OR14A16: variants seen among roughly 807,000 people sequenced by gnomAD.
OR14A16 encodes the protein olfactory receptor family 14 subfamily A member 16.
For missense variants in OR14A16, 341 were observed against 366.5 expected (o/e 0.93, Z 0.57); for synonymous variants, 135 against 137.6 (o/e 0.98, Z 0.13).
intron 2 of OR14A16, among the ~76,000 whole-genome samples, chr1:247,817,424 A>G (rs1038370076): frequency 2.0e-5 from 3 of 152,236 alleles, no homozygotes; most frequent in African/African-American, 7.2e-5. Context: ...AATCATTTTA[A>G]TGATGTTCGA....
Position 247,815,756 on chromosome 1 carries a change from G to A in OR14A16, c.-15-12C>T. ...ATTGCAGGAGTAATCTGCAGGAAAAGGAGAAGACTGAAGTAAAATATCAAT... is the reference window on the plus strand; with the variant it reads ...ATTGCAGGAGTAATCTGCAGGAAAAAGAGAAGACTGAAGTAAAATATCAAT... On this transcript the variant is annotated splice_polypyrimidine_tract_variant and intron_variant, in intron 2 of 2. Transcript: ENST00000641093. 1 of 1,187,976 alleles carries A rather than the reference G, an allele frequency of 8.4e-7. No individual in the cohort carries two copies. The highest frequency in any genetic ancestry group is 2.3e-5 in the East Asian group (1 of 42,594). 73.6% of individuals were successfully genotyped at this position (1,187,976 alleles called of 1,614,324 possible). A position where few individuals can be genotyped will look rare whatever the true frequency, so the allele number is the denominator to read the frequency against.
chr1:247,816,661 G>A (rs1398022817), intron 2 of OR14A16, among the ~76,000 whole-genome samples: 4 of 150,976 alleles, frequency 2.6e-5, no homozygotes, highest in Admixed American at 1.3e-4. Flanking sequence ...CCTGGGAGGC[G>A]GAGGCTGCAG....
intron 2 of OR14A16, among the ~76,000 whole-genome samples, chr1:247,816,681 A>G (rs1662628171): frequency 6.6e-6 from 1 of 151,778 alleles, no homozygotes; most frequent in Non-Finnish European, 1.5e-5. Flanking sequence ...GTGAGCCGAG[A>G]TCACACTATT....
At chr1:247,820,392 A>T (rs1662710429) in intron 1 of OR14A16, among the ~76,000 whole-genome samples, 2 of 151,928 alleles carry the variant, frequency 1.3e-5, no homozygotes, top group Non-Finnish European at 1.5e-5. Flanking sequence ...TATGATTTTT[A>T]AAAAGGGGAC....
rs975568490 is a variant in OR14A16, at chr1:247,815,450, C to T, written c.280G>A (p.Gly94Ser). The T allele has an allele frequency of 1.2e-5, 19 of 1,613,778 alleles. No homozygotes were observed. Among genetic ancestry groups the T allele is most frequent in the Non-Finnish European group, 1.4e-5 (17 of 1,180,022 alleles). Reference protein sequence around the residue: ...LIHNNSISFLGCVSQVFLLLS... With the variant: ...LIHNNSISFLSCVSQVFLLLS... ...AACAAAAAGACCTGGGAAACACAGC[C>T]AAGGAATGAAATGGAGTTGTTGTGT... Residue 94 changes from glycine (G) to serine (S), a missense_variant, in exon 3 of 3, where the codon GGC becomes AGC. Physicochemically the swap from Gly to Ser is moderately conservative, Grantham distance 56. Coordinates refer to ENST00000641093, the MANE Select transcript of OR14A16 (RefSeq NM_001001966.2).
chr1:247,815,175 A>G lies in OR14A16; in HGVS notation c.555T>C (p.Ile185=), dbSNP rs1179442065. ...CTCTTATTAAATTTTCTGAGCAAGA[A>G]ATAGCTAATAACTGGGGAATGTCAC... is the stretch of plus-strand genomic sequence containing the variant. ...FFCDIPQLLA[I]SCSENLIREI... Residue 185 remains isoleucine (I), a synonymous_variant, in exon 3 of 3, where the codon ATT becomes ATC. Coordinates refer to ENST00000641093, the MANE Select transcript of OR14A16 (RefSeq NM_001001966.2). 2 of 1,613,876 alleles carry G rather than the reference A, an allele frequency of 1.2e-6. No individual in the cohort carries two copies. Among genetic ancestry groups the G allele is most frequent in the Admixed American group, 3.3e-5 (2 of 60,004 alleles).
chr1:247,822,845 T>A (rs1396601434), intron 1 of OR14A16, among the ~76,000 whole-genome samples: 1 of 152,192 alleles, frequency 6.6e-6, no homozygotes, highest in East Asian at 1.9e-4. Context: ...ATAGCTGAAC[T>A]TCATCAAGAA....
intron 1 of OR14A16, among the ~76,000 whole-genome samples, chr1:247,822,313 G>A (rs1173229838): frequency 2.1e-5 from 1 of 47,242 alleles, no homozygotes; most frequent in Non-Finnish European, 4.4e-5. Context: ...TGTGTGTGTG[G>A]CGGGGGGGGA....
Position 247,815,603 on chromosome 1 carries a change from T to A in OR14A16, c.127A>T (p.Ile43Phe). Residue 43 changes from isoleucine to phenylalanine, a missense_variant, in exon 3 of 3, where the codon ATT becomes TTT. Coordinates refer to ENST00000641093, the MANE Select transcript of OR14A16 (RefSeq NM_001001966.2). ...TGGTCCAAAGTTGTGATCATGATAA[T>A]GAGGACATTCCCCATCAGGGCACAC... is the stretch of plus-strand genomic sequence containing the variant. Reference protein sequence around the residue: ...YLCALMGNVLIIMITTLDHHL... With the variant: ...YLCALMGNVLFIMITTLDHHL... The A allele has an allele frequency of 6.2e-7, 1 of 1,613,608 alleles. No individual in the cohort carries two copies. The highest frequency in any genetic ancestry group is 8.5e-7 in the Non-Finnish European group (1 of 1,179,558).
At position 247,815,736 on chromosome 1, in the gene OR14A16, A is replaced by G; in HGVS notation, c.-7T>C. ...CGATTGTGAGATTTGCCATTATTGC[A>G]GGAGTAATCTGCAGGAAAAGGAGAA... On this transcript the variant is annotated 5_prime_UTR_variant, in exon 3 of 3. Coordinates refer to ENST00000641093, the MANE Select transcript of OR14A16 (RefSeq NM_001001966.2). The G allele has an allele frequency of 1.4e-6, 2 of 1,458,462 alleles. 1 individual carries two copies. The highest frequency in any genetic ancestry group is 2.4e-5 in the South Asian group (2 of 81,786). 90.3% of individuals were successfully genotyped at this position (1,458,462 alleles called of 1,614,324 possible).
At chr1:247,822,849 T>C (rs529761473) in intron 1 of OR14A16, among the ~76,000 whole-genome samples, 1 of 152,290 alleles carries the variant, frequency 6.6e-6, no homozygotes, top group African/African-American at 2.4e-5. Flanking sequence ...CTGAACTTCA[T>C]CAAGAAAAGA....
intron 2 of OR14A16, among the ~76,000 whole-genome samples, chr1:247,817,220 C>G (rs1662639280): frequency 6.6e-6 from 1 of 151,834 alleles, no homozygotes; most frequent in Non-Finnish European, 1.5e-5. Context: ...AATATTGTGC[C>G]TGTTCTCTCT....
At chr1:247,816,778 A>T (rs1662629609) in intron 2 of OR14A16, among the ~76,000 whole-genome samples, 1 of 152,028 alleles carries the variant, frequency 6.6e-6, no homozygotes, top group South Asian at 2.1e-4. Flanking sequence ...TAACTGAATT[A>T]CTCACTTTTC....
chr1:247,814,966 G>A lies in OR14A16; in HGVS notation c.764C>T (p.Ala255Val), dbSNP rs1170043063. The A allele has an allele frequency of 6.2e-7, 1 of 1,613,992 alleles. No individual in the cohort carries two copies. ...VVLFLSTGFI[A>V]YLKPASESPS... is the part of the protein sequence containing the mutation. The stretch of plus-strand genomic sequence containing the variant: ...AGACTCTGAAGCTGGCTTCAGATAA[G>A]CAATGAATCCAGTGGAAAGAAATAA... The change falls in exon 3 of 3, where the codon GCT becomes GTT. Residue 255 changes from alanine to valine, a missense_variant. Physicochemically the swap from Ala to Val is moderately conservative, Grantham distance 64. Coordinates refer to ENST00000641093, the MANE Select transcript of OR14A16 (RefSeq NM_001001966.2).
chr1:247,820,877 A>G (rs1049106696), intron 1 of OR14A16, among the ~76,000 whole-genome samples: 1 of 148,880 alleles, frequency 6.7e-6, no homozygotes, highest in African/African-American at 2.4e-5. Flanking sequence ...AAAAAAAAAA[A>G]TCTTTATTTT....
In OR14A16 at chr1:247,815,496, T is replaced by C; in HGVS notation, c.234A>G (p.Lys78=). The C allele has an allele frequency of 6.2e-7, 1 of 1,613,968 alleles. No homozygotes were observed. The highest frequency in any genetic ancestry group is 1.1e-5 in the South Asian group (1 of 91,080). ...DLCLISVTAP[K]SIANSLIHNN... is the part of the protein sequence containing the mutation. ...TGTGTATCAAAGAATTGGCGATAGA[T>C]TTGGGAGCCGTGACTGAAATAAGGC... Residue 78 remains lysine, a synonymous_variant, in exon 3 of 3, where the codon AAA becomes AAG. Transcript: ENST00000641093.
intron 1 of OR14A16, among the ~76,000 whole-genome samples, chr1:247,823,458 G>A (rs192778165): frequency 7.9e-5 from 12 of 152,278 alleles, no homozygotes; most frequent in Admixed American, 7.8e-4. Context: ...CCATGATCAT[G>A]ACACTACACT....
chr1:247,821,991 C>CA (rs1235965086), intron 1 of OR14A16, among the ~76,000 whole-genome samples: 4 of 152,118 alleles, frequency 2.6e-5, no homozygotes, highest in African/African-American at 7.2e-5. Flanking sequence ...AAGGTGTTAA[C>CA]AATTTAACTT....
chr1:247,821,144 A>C (rs1024365928), intron 1 of OR14A16, among the ~76,000 whole-genome samples: 4 of 152,242 alleles, frequency 2.6e-5, no homozygotes, highest in Non-Finnish European at 4.4e-5. Flanking sequence ...GATTTCATTC[A>C]TCTTAAACTT....
Sources: gnomAD v4.1 joint callset for allele counts (sites outside exome capture counted in the v4.1 genomes callset) on GRCh38, gnomAD v4.1.1 for gene constraint, MANE v1.5 for transcripts, NCBI Gene and HGNC (gene_info 2026-07-23, HGNC 2026-07-21) for gene names.